Variants in ZDHHC11 observed in about 807,000 individuals in gnomAD.
The protein encoded by ZDHHC11 is palmitoyltransferase ZDHHC11.
ZDHHC11 carries 44 observed loss-of-function variants against 51.3 expected under a neutral mutation model. That is an observed-to-expected ratio of 0.86 (90% CI 0.67 to 1.10). The LOEUF (loss-of-function observed/expected upper bound fraction) is 1.10, where lower values mean the gene tolerates loss of function less well. Ranked by LOEUF, ZDHHC11 falls within the 50% of genes least tolerant of loss-of-function variation. The probability of loss-of-function intolerance (pLI) is 0.00; values close to 1 mark genes in which losing one functional copy is unlikely to be tolerated. For synonymous variants in ZDHHC11, 163 were observed against 222.0 expected (o/e 0.73, Z 2.36); for missense variants, 400 against 537.7 (o/e 0.74, Z 2.53).
chr5:812,524 A>G (rs748808529), intron 11 of ZDHHC11, among the ~76,000 whole-genome samples: 1 of 151,576 alleles, frequency 6.6e-6, no homozygotes, highest in African/African-American at 2.4e-5. Flanking sequence ...GAAACAATTA[A>G]AAGTGTTATT....
At chr5:840,442 A>T in intron 5 of ZDHHC11, 53 bp downstream of exon 5, 12 of 1,612,092 alleles carry the variant, frequency 7.4e-6, no homozygotes, top group Admixed American at 1.7e-5. Flanking sequence ...TAAGATGAGC[A>T]GCTCTGACCA....
At chr5:804,036 T>C (rs1382015441) in intron 11 of ZDHHC11, among the ~76,000 whole-genome samples, 3 of 149,884 alleles carry the variant, frequency 2.0e-5, no homozygotes, top group East Asian at 1.9e-4. Context: ...ATATGCAACA[T>C]AGGAGTCTCC....
At chr5:853,361 C>A (rs758101496), upstream of ZDHHC11, among the ~76,000 whole-genome samples, 68 of 148,636 alleles carry the variant, frequency 4.6e-4, no homozygotes, top group South Asian at 1.5e-3. Flanking sequence ...GGGGTACAGA[C>A]CCCACGGAGG....
chr5:811,672 G>A (rs1368667470), intron 11 of ZDHHC11, among the ~76,000 whole-genome samples: 3 of 150,560 alleles, frequency 2.0e-5, no homozygotes, highest in South Asian at 2.1e-4. Flanking sequence ...GGGATGCCAG[G>A]GAAACGCTAT....
intron 4 of ZDHHC11, 107 bp from the exon 5 acceptor site, chr5:840,757 G>C (rs1364268491): frequency 6.4e-7 from 1 of 1,570,914 alleles, no homozygotes; most frequent in South Asian, 1.2e-5. Flanking sequence ...TGTGGGGACA[G>C]CCAGTGCGAG....
chr5:801,052 C>G, intron 12 of ZDHHC11, 48 bp downstream of exon 12: 2 of 1,604,790 alleles, frequency 1.2e-6, no homozygotes, highest in South Asian at 2.2e-5. Flanking sequence ...CTCTAGAGAA[C>G]CAAACTTGGG....
At chr5:825,968 G>A (rs3892161) in intron 7 of ZDHHC11, among the ~76,000 whole-genome samples, 9,305 of 134,430 alleles carry the variant, frequency 0.069, 93 homozygotes, top group African/African-American at 0.22. Flanking sequence ...CCTATCGGCC[G>A]CCGAGGACCT....
intron 11 of ZDHHC11, among the ~76,000 whole-genome samples, chr5:802,105 A>T: frequency 6.6e-6 from 1 of 151,386 alleles, no homozygotes. Context: ...ACAGAGGAGC[A>T]GTGGATGCTC....
At chr5:803,095 G>A (rs1573862) in intron 11 of ZDHHC11, among the ~76,000 whole-genome samples, 13,369 of 150,192 alleles carry the variant, frequency 0.089, 1,679 homozygotes, top group African/African-American at 0.29. Context: ...CTACCGCCTC[G>A]ATTTCTTAGT....
intron 12 of ZDHHC11, among the ~76,000 whole-genome samples, chr5:798,198 G>C (rs1737861358): frequency 6.6e-6 from 1 of 150,856 alleles, no homozygotes; most frequent in Non-Finnish European, 1.5e-5. Context: ...CTCTCAGCTT[G>C]ATCTTCCATT....
At chr5:816,283 G>T (rs937128169) in intron 10 of ZDHHC11, 3 of 268,636 alleles carry the variant, frequency 1.1e-5, no homozygotes, top group Non-Finnish European at 2.2e-5. Context: ...ATCTATCAAA[G>T]AAGACATTGC....
rs374123646 is a variant in ZDHHC11 at position 843,595 on chromosome 5, C to T, written c.628+5G>A. 9.9e-5 allele frequency: 159 copies of T among 1,608,366 alleles called. No homozygotes were observed. Among genetic ancestry groups the T allele is most frequent in the African/African-American group, 1.8e-4 (13 of 74,280 alleles). Reference sequence around the variant, plus strand: ...TGAGGCCCCTTGAGAGCGGCGGCCACGTACCTTCATACCTGGGGTCCGTGC... The same window carrying T: ...TGAGGCCCCTTGAGAGCGGCGGCCATGTACCTTCATACCTGGGGTCCGTGC... On this transcript the variant is annotated splice_donor_5th_base_variant and intron_variant, in intron 4 of 12. Transcript: ENST00000283441.
At chr5:835,203 A>T (rs1221280829) in intron 6 of ZDHHC11, among the ~76,000 whole-genome samples, 1 of 150,760 alleles carries the variant, frequency 6.6e-6, no homozygotes, top group Non-Finnish European at 1.5e-5. Flanking sequence ...TCCGTGGCGA[A>T]TGAAGTGATC....
At chr5:841,606 G>T in intron 4 of ZDHHC11, 1 of 994,744 alleles carries the variant, frequency 1.0e-6, no homozygotes. Flanking sequence ...CTTGCTCATG[G>T]CCCACTCTGT....
In ZDHHC11 at chr5:850,369, T is replaced by C; in HGVS notation, c.222+12A>G. The C allele has an allele frequency of 1.2e-6, 2 of 1,612,958 alleles. No homozygotes were observed. The highest frequency in any genetic ancestry group is 1.7e-6 in the Non-Finnish European group (2 of 1,179,728). On this transcript the variant is annotated intron_variant, in intron 1 of 12. Coordinates refer to ENST00000283441, the MANE Select transcript of ZDHHC11 (RefSeq NM_024786.3). The stretch of plus-strand genomic sequence containing the variant: ...CCCTCCCGCTTAGACCATGCCACGA[T>C]GAAAAGGATACCACGTAGGCAATGT...
intron 10 of ZDHHC11, chr5:816,442 C>T (rs1400412597): frequency 6.5e-6 from 3 of 459,120 alleles, no homozygotes; most frequent in Admixed American, 2.4e-5. Flanking sequence ...GTGGCCGTAG[C>T]GGCATGTGGA....
At chr5:835,502 G>C (rs1311834758) in intron 6 of ZDHHC11, among the ~76,000 whole-genome samples, 1 of 151,896 alleles carries the variant, frequency 6.6e-6, no homozygotes, top group Non-Finnish European at 1.5e-5. Flanking sequence ...CAGCTTTATA[G>C]TAACATTTAA....
chr5:836,455 A>G (rs1319676348), intron 6 of ZDHHC11, among the ~76,000 whole-genome samples: 2 of 150,304 alleles, frequency 1.3e-5, no homozygotes, highest in Non-Finnish European at 3.0e-5. Context: ...TCCTGAATGT[A>G]CTGGCTTATG....
intron 12 of ZDHHC11, among the ~76,000 whole-genome samples, chr5:799,468 G>C: frequency 6.6e-6 from 1 of 151,670 alleles, no homozygotes; most frequent in South Asian, 2.1e-4. Context: ...GACAGACTAA[G>C]ACACGCCTTG....
Sources: allele counts gnomAD v4.1 joint callset (sites outside exome capture counted in the v4.1 genomes callset), GRCh38; gene constraint gnomAD v4.1.1; transcripts MANE v1.5; gene names NCBI Gene and HGNC (gene_info 2026-07-23, HGNC 2026-07-21).